Variants in PCLO observed in about 807,000 individuals in gnomAD.
The protein encoded by PCLO is protein piccolo.
Under a neutral mutation model 427.5 loss-of-function variants are expected in PCLO, and 82 were observed. The ratio of observed to expected loss-of-function variants is 0.19; its 90% confidence interval spans 0.16 to 0.23. The LOEUF (loss-of-function observed/expected upper bound fraction) is 0.23, where lower values mean the gene tolerates loss of function less well. Ranked by LOEUF, PCLO falls within the 10% of genes least tolerant of loss-of-function variation. The pLI, the probability that PCLO is intolerant of heterozygous loss-of-function variation, is 1.00. For missense variants in PCLO, 6,239 were observed against 6,115.9 expected (o/e 1.02, Z -0.67); for synonymous variants, 2,357 against 2,155.4 (o/e 1.09, Z -2.59).
intron 7 of PCLO, among the ~76,000 whole-genome samples, chr7:82,911,321 C>T (rs945426262): frequency 3.9e-5 from 6 of 152,016 alleles, no homozygotes; most frequent in Non-Finnish European, 7.4e-5. Flanking sequence ...ACCAGTTGTA[C>T]ATAAATGCTA....
At chr7:82,815,172 A>G (rs1791651979) in intron 20 of PCLO, among the ~76,000 whole-genome samples, 1 of 152,080 alleles carries the variant, frequency 6.6e-6, no homozygotes, top group Non-Finnish European at 1.5e-5. Context: ...TTATCATAAA[A>G]TCTTGTCTAT....
intron 3 of PCLO, among the ~76,000 whole-genome samples, chr7:83,055,728 T>C (rs1789362672): frequency 6.6e-6 from 1 of 152,212 alleles, no homozygotes; most frequent in South Asian, 2.1e-4. Flanking sequence ...TCAAGAATTC[T>C]AGAATATTGT....
intron 13 of PCLO, among the ~76,000 whole-genome samples, chr7:82,842,100 A>G (rs916180476): frequency 6.6e-6 from 1 of 152,176 alleles, no homozygotes; most frequent in African/African-American, 2.4e-5. Context: ...TTAAGCTAAA[A>G]GAACAAAGCC....
At chr7:83,010,029 G>A (rs1476491107) in intron 3 of PCLO, among the ~76,000 whole-genome samples, 2 of 151,722 alleles carry the variant, frequency 1.3e-5, no homozygotes, top group African/African-American at 4.8e-5. Context: ...CTGGCCTCTT[G>A]GTGCCTCAAC....
Position 82,893,408 on chromosome 7 carries a change from C to T in PCLO, c.13528+9243G>A, listed in dbSNP as rs559117294. 1.3e-3 allele frequency among the ~76,000 whole-genome samples: 197 copies of T among 152,072 alleles called. 5 individuals carry two copies. In the Middle Eastern group the frequency reaches 0.041, roughly 32 times the overall value. ...TGGACACAGGGCAGGGAACATCACACACTGGGCCCTGTTGTGGGGTCAGGG... is the reference window on the plus strand; with the variant it reads ...TGGACACAGGGCAGGGAACATCACATACTGGGCCCTGTTGTGGGGTCAGGG... On this transcript the variant is annotated intron_variant, in intron 9 of 24. Transcript: ENST00000333891.
intron 10 of PCLO, among the ~76,000 whole-genome samples, chr7:82,860,706 A>G (rs1003954349): frequency 6.6e-5 from 10 of 152,100 alleles, no homozygotes; most frequent in Non-Finnish European, 1.2e-4. Context: ...CTCTTATCCT[A>G]GGTAGAAGAT....
At chr7:83,004,775 T>C (rs1043495074) in intron 3 of PCLO, among the ~76,000 whole-genome samples, 3 of 151,656 alleles carry the variant, frequency 2.0e-5, no homozygotes, top group Admixed American at 1.3e-4. Context: ...AACATATATC[T>C]GATAAAGTGC....
intron 14 of PCLO, among the ~76,000 whole-genome samples, chr7:82,840,838 T>G (rs549840028): frequency 3.9e-5 from 6 of 152,118 alleles, no homozygotes; most frequent in Admixed American, 3.9e-4. Flanking sequence ...TCTAAATTAC[T>G]TCTTGGTATC....
At chr7:82,998,897 G>A (rs994148667) in intron 3 of PCLO, among the ~76,000 whole-genome samples, 1 of 151,594 alleles carries the variant, frequency 6.6e-6, no homozygotes, top group Non-Finnish European at 1.5e-5. Flanking sequence ...TTTAAAACAA[G>A]TATAATTAAT....
At position 82,822,657 on chromosome 7, in the gene PCLO, T is replaced by C; in HGVS notation, c.14629A>G (p.Ser4877Gly). 1.2e-6 allele frequency: 2 copies of C among 1,613,628 alleles called. No homozygotes were observed. The highest frequency in any genetic ancestry group is 8.5e-7 in the Non-Finnish European group (1 of 1,179,752). ...MQVPTIEKSH[S>G]SPGSSKSSSE... The stretch of plus-strand genomic sequence containing the variant: ...GATGATTTTGAGCTACCAGGACTAC[T>C]ATGGGATTTCTCAATGGTGGGAACC... The change falls in exon 20 of 25, where the codon AGT becomes GGT. Residue 4877 changes from serine to glycine, a missense_variant. Ser to Gly is a moderately conservative substitution (Grantham distance 56). Coordinates refer to ENST00000333891, the MANE Select transcript of PCLO (RefSeq NM_033026.6).
At chr7:82,926,492 A>C (rs1794715175) in intron 6 of PCLO, among the ~76,000 whole-genome samples, 1 of 152,222 alleles carries the variant, frequency 6.6e-6, no homozygotes, top group Admixed American at 6.5e-5. Context: ...AACATATTTA[A>C]AAGTCGTACA....
chr7:82,958,016 A>G (rs1242475267), intron 4 of PCLO, among the ~76,000 whole-genome samples: 3 of 152,206 alleles, frequency 2.0e-5, no homozygotes, highest in African/African-American at 7.2e-5. Flanking sequence ...AAAAATATAT[A>G]TGAGCAAAAT....
At chr7:82,967,197 CTTT>C (rs766172385) in intron 3 of PCLO, among the ~76,000 whole-genome samples, 8 of 133,182 alleles carry the variant, frequency 6.0e-5, no homozygotes, top group Non-Finnish European at 5.0e-5. Flanking sequence ...TTCTTCTTTT[CTTT>C]TTTTTTTTTT....
intron 23 of PCLO, among the ~76,000 whole-genome samples, 157 bp from the exon 24 acceptor site, chr7:82,760,941 G>GTTTT (rs1324417909): frequency 1.1e-5 from 1 of 87,984 alleles, no homozygotes; most frequent in Non-Finnish European, 2.3e-5. Flanking sequence ...TAAAAGATAT[G>GTTTT]TCTTTTTTTT....
chr7:83,155,368 G>T lies in PCLO; in HGVS notation c.1273C>A (p.Pro425Thr). 1 of 1,613,892 alleles carries T rather than the reference G, an allele frequency of 6.2e-7. No individual in the cohort carries two copies. Among genetic ancestry groups the T allele is most frequent in the Middle Eastern group, 1.7e-4 (1 of 6,060 alleles). ...GCCTTAGCTGGAGACTGTAGCCCAG[G>T]TTGTTGAGCTAGGGGTTTTGGTGTC... ...VGTPKPLAQQPGLQSPAKAPG... is the reference protein window; with the variant it reads ...VGTPKPLAQQTGLQSPAKAPG... The change falls in exon 2 of 25, where the codon CCT becomes ACT. Residue 425 changes from proline (P) to threonine (T), a missense_variant. Around this residue, in one of 5 missense-constraint regions of PCLO, gnomAD observed 4,677 missense variants for 4,468.4 expected, o/e 1.05. Coordinates refer to ENST00000333891, the MANE Select transcript of PCLO (RefSeq NM_033026.6).
intron 3 of PCLO, among the ~76,000 whole-genome samples, chr7:83,038,029 A>ATATATTTATATC (rs1788855213): frequency 5.5e-5 from 2 of 36,496 alleles, no homozygotes; most frequent in African/African-American, 1.9e-4. Flanking sequence ...ATATATATAT[A>ATATATTTATATC]TTTATATATT....
At chr7:82,866,947 G>GA (rs1288402070) in intron 10 of PCLO, among the ~76,000 whole-genome samples, 4 of 152,218 alleles carry the variant, frequency 2.6e-5, no homozygotes, top group African/African-American at 9.6e-5. Context: ...TCGAGTGGGG[G>GA]AAAAATCTGT....
intron 3 of PCLO, among the ~76,000 whole-genome samples, chr7:83,069,045 C>T (rs1420777050): frequency 2.6e-5 from 4 of 152,106 alleles, no homozygotes; most frequent in African/African-American, 9.7e-5. Flanking sequence ...ATGGTGGTTA[C>T]CACGGGTTAG....
At chr7:82,914,232 G>A (rs897045537) in intron 7 of PCLO, 10 of 280,086 alleles carry the variant, frequency 3.6e-5, no homozygotes, top group Non-Finnish European at 6.6e-5. Flanking sequence ...TGCCATAAAT[G>A]ATTTTCTATT....
Sources: allele counts gnomAD v4.1 joint callset (sites outside exome capture counted in the v4.1 genomes callset), GRCh38; gene constraint gnomAD v4.1.1; regional missense constraint gnomAD v4.1.1; transcripts MANE v1.5; gene names NCBI Gene and HGNC (gene_info 2026-07-23, HGNC 2026-07-21).